The following CDH11 variants were observed in gnomAD, a reference collection of about 807,000 sequenced individuals.
CDH11 encodes the protein cadherin 11, also known as cadherin-11.
In CDH11, 11 loss-of-function variants were observed where a neutral mutation model predicts 67.8. That is an observed-to-expected ratio of 0.16 (90% CI 0.10 to 0.27). CDH11 has a LOEUF of 0.27. Among genes scored for constraint, CDH11 ranks in the 10% least tolerant of loss-of-function variants. The pLI, the probability that CDH11 is intolerant of heterozygous loss-of-function variation, is 1.00. For missense variants in CDH11, 847 were observed against 1,031.2 expected, an observed-to-expected ratio of 0.82 and a Z score of 2.45; for synonymous variants, 419 against 400.0, an observed-to-expected ratio of 1.05 and a Z score of -0.57.
At chr16:65,097,964 T>C (rs1330136335) in intron 1 of CDH11, among the ~76,000 whole-genome samples, 4 of 152,162 alleles carry the variant, frequency 2.6e-5, no homozygotes, top group Non-Finnish European at 1.5e-5. Context: ...AAAGAGCAGG[T>C]GAGCCACTCA....
intron 1 of CDH11, among the ~76,000 whole-genome samples, chr16:65,086,353 G>A (rs2074699388): frequency 6.6e-6 from 1 of 152,156 alleles, no homozygotes; most frequent in Non-Finnish European, 1.5e-5. Context: ...CACCTCAAGG[G>A]TTCCTGATTC....
intron 11 of CDH11, among the ~76,000 whole-genome samples, chr16:64,966,665 T>G (rs538592308): frequency 6.7e-6 from 1 of 150,090 alleles, no homozygotes; most frequent in Non-Finnish European, 1.5e-5. Flanking sequence ...GAAAAAGATA[T>G]ATAAGAAAGA....
intron 2 of CDH11, among the ~76,000 whole-genome samples, chr16:65,029,063 T>G (rs2073588262): frequency 6.6e-6 from 1 of 152,200 alleles, no homozygotes; most frequent in South Asian, 2.1e-4. Context: ...ACTTAAACTA[T>G]ATCAAGAATT....
intron 11 of CDH11, among the ~76,000 whole-genome samples, chr16:64,959,763 T>G (rs2071621612): frequency 6.6e-6 from 1 of 152,188 alleles, no homozygotes; most frequent in South Asian, 2.1e-4. Flanking sequence ...AGAAATCTGT[T>G]TGGCTATCTT....
intron 2 of CDH11, among the ~76,000 whole-genome samples, chr16:65,008,977 T>C (rs542868356): frequency 4.8e-4 from 73 of 152,170 alleles, no homozygotes; most frequent in Non-Finnish European, 9.3e-4. Flanking sequence ...CGTAGCATTA[T>C]TGCTATTCCC....
chr16:65,089,943 C>A (rs567788792), intron 1 of CDH11, among the ~76,000 whole-genome samples: 2 of 152,068 alleles, frequency 1.3e-5, no homozygotes, highest in African/African-American at 4.8e-5. Context: ...TTTAAGTGAA[C>A]ATACAAAAAA....
chr16:65,071,280 T>G (rs561376086), intron 1 of CDH11, among the ~76,000 whole-genome samples: 1 of 152,246 alleles, frequency 6.6e-6, no homozygotes, highest in Admixed American at 6.5e-5. Context: ...AGTCCCCACA[T>G]AGCAACGGAA....
intron 2 of CDH11, among the ~76,000 whole-genome samples, chr16:65,012,721 C>T (rs1408792349): frequency 1.3e-5 from 2 of 152,190 alleles, no homozygotes; most frequent in Non-Finnish European, 1.5e-5. Context: ...TGAATGACAG[C>T]AAGCTTCCTG....
chr16:64,957,281 C>T (rs906046672), intron 11 of CDH11, among the ~76,000 whole-genome samples: 1 of 152,140 alleles, frequency 6.6e-6, no homozygotes, highest in Admixed American at 6.5e-5. Flanking sequence ...AAAAAGGCCA[C>T]AGGGCACTTC....
chr16:65,038,160 G>T lies in CDH11; in HGVS notation c.-173+15644C>A, dbSNP rs575098855. Among the ~76,000 whole-genome samples the T allele has an allele frequency of 7.2e-5, 11 of 152,124 alleles. No individual in the cohort carries two copies. The East Asian group carries it at 1.9e-3, about 27-fold the overall frequency. On this transcript the variant is annotated intron_variant, in intron 2 of 12. Transcript: ENST00000268603. ...AGATCTAATTTTATCTAGGCTTCCC[G>T]AATGCAGTCACACAGTGGGGACTGC...
chr16:64,950,507 T>A, intron 12 of CDH11, among the ~76,000 whole-genome samples: 1 of 152,042 alleles, frequency 6.6e-6, no homozygotes, highest in East Asian at 1.9e-4. Flanking sequence ...CCCGGCAAAA[T>A]GCTCATCATG....
chr16:65,030,191 T>G (rs1198080348), intron 2 of CDH11, among the ~76,000 whole-genome samples: 3 of 152,194 alleles, frequency 2.0e-5, no homozygotes, highest in Non-Finnish European at 2.9e-5. Context: ...GTGTGGGAAC[T>G]AGGGGAGCCA....
chr16:65,072,304 T>C (rs1190242770), intron 1 of CDH11: 2 of 152,270 alleles, frequency 1.3e-5, no homozygotes, highest in African/African-American at 2.4e-5. Flanking sequence ...CACCCACTGC[T>C]AATGAGACCC....
At chr16:64,959,385 C>T (rs536562193) in intron 11 of CDH11, among the ~76,000 whole-genome samples, 1 of 152,248 alleles carries the variant, frequency 6.6e-6, no homozygotes, top group Non-Finnish European at 1.5e-5. Context: ...GAGAAAAGAA[C>T]ATACTGCCCA....
At chr16:64,970,169 C>T (rs557327429) in intron 11 of CDH11, among the ~76,000 whole-genome samples, 14 of 152,238 alleles carry the variant, frequency 9.2e-5, no homozygotes, top group Admixed American at 4.6e-4. Context: ...GAAAGCAAGG[C>T]ATTGGGAGAG....
intron 11 of CDH11, among the ~76,000 whole-genome samples, chr16:64,955,537 T>C (rs1179153315): frequency 3.9e-5 from 6 of 152,050 alleles, no homozygotes; most frequent in Non-Finnish European, 7.4e-5. Context: ...CCAGGAGTTC[T>C]AGACCAGCCT....
intron 2 of CDH11, among the ~76,000 whole-genome samples, chr16:65,040,365 C>A (rs892413721): frequency 6.6e-6 from 1 of 152,142 alleles, no homozygotes; most frequent in African/African-American, 2.4e-5. Flanking sequence ...CCATGGAATA[C>A]TATGCAGCCA....
chr16:65,024,262 C>G (rs903903348), intron 2 of CDH11, among the ~76,000 whole-genome samples: 1 of 152,182 alleles, frequency 6.6e-6, no homozygotes, highest in Non-Finnish European at 1.5e-5. Flanking sequence ...TTCCTTGTCA[C>G]AGGAGTCAAT....
intron 2 of CDH11, among the ~76,000 whole-genome samples, chr16:65,014,418 C>T (rs1430531142): frequency 6.6e-6 from 1 of 152,180 alleles, no homozygotes; most frequent in African/African-American, 2.4e-5. Flanking sequence ...TATACATTCT[C>T]AAGATATTTT....
Sources: allele counts gnomAD v4.1 joint callset (sites outside exome capture counted in the v4.1 genomes callset), GRCh38; gene constraint gnomAD v4.1.1; transcripts MANE v1.5; gene names NCBI Gene and HGNC (gene_info 2026-07-23, HGNC 2026-07-21).